Variants in INSYN2B observed in about 807,000 individuals in gnomAD.
The protein encoded by INSYN2B is inhibitory synaptic factor family member 2B, also known as protein INSYN2B.
INSYN2B carries 16 observed loss-of-function variants against 41.2 expected under a neutral mutation model. That is an observed-to-expected ratio of 0.39 (90% CI 0.26 to 0.59). The LOEUF (loss-of-function observed/expected upper bound fraction) is 0.59. Among genes scored for constraint, INSYN2B ranks in the 20% least tolerant of loss-of-function variants. The probability of loss-of-function intolerance (pLI) is 0.57; values close to 1 mark genes in which losing one functional copy is unlikely to be tolerated. For missense variants in INSYN2B, 608 were observed against 646.4 expected (o/e 0.94, Z 0.64); for synonymous variants, 245 against 244.4 (o/e 1.00, Z -0.02).
At chr5:169,893,102 G>GT (rs1773390782) in intron 1 of INSYN2B, among the ~76,000 whole-genome samples, 1 of 152,090 alleles carries the variant, frequency 6.6e-6, no homozygotes, top group South Asian at 2.1e-4. Flanking sequence ...TTTAGGGTCA[G>GT]TGATTCATTC....
intron 1 of INSYN2B, among the ~76,000 whole-genome samples, chr5:169,953,627 G>T (rs1044799252): frequency 1.3e-5 from 2 of 152,112 alleles, no homozygotes; most frequent in Non-Finnish European, 2.9e-5. Context: ...GACCTCTGTG[G>T]GCAGAAGAGT....
intron 1 of INSYN2B, among the ~76,000 whole-genome samples, chr5:169,935,654 C>T (rs940913743): frequency 4.6e-5 from 7 of 152,164 alleles, no homozygotes; most frequent in African/African-American, 7.2e-5. Context: ...TGGTGATGAA[C>T]GTTGCCGATG....
chr5:169,924,687 G>A (rs757940048), intron 1 of INSYN2B, among the ~76,000 whole-genome samples: 8 of 152,164 alleles, frequency 5.3e-5, no homozygotes, highest in Non-Finnish European at 1.2e-4. Flanking sequence ...TGCCATTAAA[G>A]CAGATCTGAG....
intron 1 of INSYN2B, among the ~76,000 whole-genome samples, chr5:169,931,670 A>G (rs166324): frequency 0.098 from 14,875 of 152,148 alleles, 785 homozygotes; most frequent in African/African-American, 0.15. Context: ...CTGCTGTGTG[A>G]GATGGTGGTG....
chr5:169,912,575 C>T (rs912770408), intron 1 of INSYN2B, among the ~76,000 whole-genome samples: 7 of 151,904 alleles, frequency 4.6e-5, no homozygotes, highest in Non-Finnish European at 8.8e-5. Flanking sequence ...AAAACCATTA[C>T]GTTGTAAACA....
intron 1 of INSYN2B, among the ~76,000 whole-genome samples, chr5:169,951,287 T>G (rs993327751): frequency 6.6e-5 from 10 of 152,240 alleles, no homozygotes; most frequent in African/African-American, 2.4e-4. Flanking sequence ...TTATCTTCTT[T>G]GGTCCTCTTG....
At chr5:169,935,941 G>A (rs762575125) in intron 1 of INSYN2B, among the ~76,000 whole-genome samples, 11 of 152,158 alleles carry the variant, frequency 7.2e-5, no homozygotes, top group Non-Finnish European at 2.9e-5. Flanking sequence ...ACAGTTTCCT[G>A]TCTCTAACCA....
chr5:169,875,993 A>G (rs1029526084), intron 3 of INSYN2B: 2 of 152,234 alleles, frequency 1.3e-5, no homozygotes, highest in Non-Finnish European at 2.9e-5. Context: ...AGAGCTGTAA[A>G]TCAGAGTGTC....
intron 1 of INSYN2B, among the ~76,000 whole-genome samples, chr5:169,952,492 C>T (rs747152707): frequency 6.6e-6 from 1 of 152,064 alleles, no homozygotes; most frequent in Non-Finnish European, 1.5e-5. Flanking sequence ...ACCTGTTTTT[C>T]TTAATGCTCC....
At chr5:169,875,627 T>G in intron 3 of INSYN2B, 1 of 214,970 alleles carries the variant, frequency 4.7e-6, no homozygotes, top group Non-Finnish European at 9.6e-6. Flanking sequence ...GTTGAGCAAG[T>G]GCCTGACCCT....
At chr5:169,878,982 A>C (rs758721494) in intron 3 of INSYN2B, among the ~76,000 whole-genome samples, 2 of 152,192 alleles carry the variant, frequency 1.3e-5, no homozygotes, top group Non-Finnish European at 2.9e-5. Flanking sequence ...CAAGTGTTCA[A>C]TGGTAAGAGG....
At chr5:169,894,228 A>G (rs997021205) in intron 1 of INSYN2B, among the ~76,000 whole-genome samples, 2 of 152,158 alleles carry the variant, frequency 1.3e-5, no homozygotes, top group African/African-American at 4.8e-5. Flanking sequence ...GAGGTGCGAG[A>G]TTTGCCCAAG....
At chr5:169,913,799 T>C (rs1294447959) in intron 1 of INSYN2B, among the ~76,000 whole-genome samples, 1 of 152,240 alleles carries the variant, frequency 6.6e-6, no homozygotes. Context: ...AGGAATTAGA[T>C]GCTTCGCTAT....
intron 1 of INSYN2B, among the ~76,000 whole-genome samples, chr5:169,961,677 T>C (rs1777090192): frequency 1.3e-5 from 2 of 152,060 alleles, no homozygotes; most frequent in Admixed American, 1.3e-4. Flanking sequence ...ATAAAGTTTT[T>C]TAAGAAGAAT....
intron 1 of INSYN2B, among the ~76,000 whole-genome samples, chr5:169,896,321 G>A (rs996552080): frequency 2.0e-4 from 31 of 152,154 alleles, no homozygotes; most frequent in African/African-American, 7.2e-4. Context: ...GAGTGGCTGG[G>A]GGTGGTCTGA....
chr5:169,932,788 A>G (rs534219594), intron 1 of INSYN2B, among the ~76,000 whole-genome samples: 6 of 152,278 alleles, frequency 3.9e-5, no homozygotes, highest in East Asian at 1.9e-4. Flanking sequence ...TCACCTATGC[A>G]TAGTGTTTAC....
intron 1 of INSYN2B, among the ~76,000 whole-genome samples, chr5:169,934,113 G>A (rs1288931062): frequency 1.3e-5 from 2 of 152,190 alleles, no homozygotes; most frequent in Non-Finnish European, 2.9e-5. Flanking sequence ...GGTAGCTGTG[G>A]GGTTGAGAAC....
chr5:169,920,112 A>T (rs1316360183), intron 1 of INSYN2B, among the ~76,000 whole-genome samples: 1 of 152,128 alleles, frequency 6.6e-6, no homozygotes, highest in African/African-American at 2.4e-5. Flanking sequence ...ACACCAAGAG[A>T]TTGGCTTTTT....
chr5:169,916,941 A>G (rs1287185171), intron 1 of INSYN2B, among the ~76,000 whole-genome samples: 2 of 152,220 alleles, frequency 1.3e-5, no homozygotes, highest in African/African-American at 4.8e-5. Flanking sequence ...TATGCTGTAA[A>G]GAAATGCAAA....
Sources: allele counts gnomAD v4.1 joint callset (sites outside exome capture counted in the v4.1 genomes callset), GRCh38; gene constraint gnomAD v4.1.1; transcripts MANE v1.5; gene names NCBI Gene and HGNC (gene_info 2026-07-23, HGNC 2026-07-21).